The following RBMXL1 variants were observed in gnomAD, a reference collection of about 807,000 sequenced individuals.
RBMXL1 encodes the protein RNA binding motif protein, X-linked-like-1.
A neutral mutation model predicts 29.0 loss-of-function variants in RBMXL1; 18 were observed. The ratio of observed to expected loss-of-function variants is 0.62; its 90% CI spans 0.43 to 0.92. The LOEUF is 0.92. RBMXL1 is among the 40% of genes least tolerant of loss of function. RBMXL1 has a pLI of 0.00. For synonymous variants in RBMXL1, 141 were observed against 170.4 expected, an observed-to-expected ratio of 0.83 and a Z score of 1.34; for missense variants, 403 against 495.8, an observed-to-expected ratio of 0.81 and a Z score of 1.78.
At chr1:88,990,538 C>G (rs966681868) in intron 1 of RBMXL1, among the ~76,000 whole-genome samples, 9 of 152,118 alleles carry the variant, frequency 5.9e-5, no homozygotes, top group Non-Finnish European at 5.9e-5. Context: ...CCCTTTTTCC[C>G]CTGAGAAACA....
At chr1:88,989,820 T>G (rs1677683725) in intron 1 of RBMXL1, among the ~76,000 whole-genome samples, 1 of 152,118 alleles carries the variant, frequency 6.6e-6, no homozygotes, top group Non-Finnish European at 1.5e-5. Flanking sequence ...AACCCCTCTC[T>G]CCTATCTGTC....
At chr1:88,992,229 C>G (rs904617561) in intron 1 of RBMXL1, among the ~76,000 whole-genome samples, 1 of 152,180 alleles carries the variant, frequency 6.6e-6, no homozygotes, top group Non-Finnish European at 1.5e-5. Flanking sequence ...CCGCCCGCCT[C>G]GGCCTCCCAA....
At chr1:88,988,876 T>C (rs1265983403) in intron 1 of RBMXL1, among the ~76,000 whole-genome samples, 1 of 152,238 alleles carries the variant, frequency 6.6e-6, no homozygotes, top group Non-Finnish European at 1.5e-5. Flanking sequence ...TCTTAGGTTA[T>C]TCTGAAGGTA....
At position 88,984,039 on chromosome 1, in the gene RBMXL1, G is replaced by T. The variant is rs1227210112; in HGVS notation, c.-213C>A. On this transcript the variant is annotated 5_prime_UTR_variant, in exon 3 of 3. Transcript: ENST00000652648. ...GGAAAATTACTTTCTTTTGCCACTA[G>T]ATGGCAGAGGAAAACAACAGAATGT... The T allele has an allele frequency of 2.1e-6, 1 of 471,870 alleles. No homozygotes were observed. Among genetic ancestry groups the T allele is most frequent in the East Asian group, 3.3e-5 (1 of 29,990 alleles). The allele number at this position is 471,870 out of a possible 1,614,324, so 29.2% of individuals were successfully genotyped here. A position where few individuals can be genotyped will look rare whatever the true frequency, so the allele number is the denominator to read the frequency against.
At chr1:88,988,531 G>A (rs573543475) in intron 1 of RBMXL1, among the ~76,000 whole-genome samples, 180 bp from the exon 2 acceptor site, 1 of 152,188 alleles carries the variant, frequency 6.6e-6, no homozygotes, top group East Asian at 1.9e-4. Flanking sequence ...ATCACTGGAG[G>A]CATTCTAATA....
At position 88,983,275 on chromosome 1, in the gene RBMXL1, T is replaced by G. The variant is rs1344360832; in HGVS notation, c.552A>C (p.Ser184=). The G allele has an allele frequency of 6.2e-7, 1 of 1,613,646 alleles. No individual in the cohort carries two copies. The highest frequency in any genetic ancestry group is 1.3e-5 in the African/African-American group (1 of 74,886). ...GACCTCCATAACTATCTCTTCCACG[T>G]GATAGAGGAGCTCTTCCTCCCATTC... is the stretch of plus-strand genomic sequence containing the variant. ...SSGMGGRAPL[S]RGRDSYGGPP... is the part of the protein sequence containing the mutation. Residue 184 remains serine (S), a synonymous_variant, in exon 3 of 3, where the codon TCA becomes TCC. Coordinates refer to ENST00000652648, the MANE Select transcript of RBMXL1 (RefSeq NM_001162536.3).
chr1:88,990,009 G>T (rs1448160261), intron 1 of RBMXL1, among the ~76,000 whole-genome samples: 1 of 152,126 alleles, frequency 6.6e-6, no homozygotes, highest in Non-Finnish European at 1.5e-5. Context: ...AGTCCAAAAT[G>T]ATTCTTTAAA....
chr1:88,989,423 G>T (rs953741926), intron 1 of RBMXL1, among the ~76,000 whole-genome samples: 30 of 152,132 alleles, frequency 2.0e-4, no homozygotes, highest in Admixed American at 1.8e-3. Flanking sequence ...CTGGGCCTCA[G>T]TTTCTCCATT....
intron 2 of RBMXL1, among the ~76,000 whole-genome samples, chr1:88,986,915 G>C (rs1677491438): frequency 6.6e-6 from 1 of 152,186 alleles, no homozygotes; most frequent in African/African-American, 2.4e-5. Context: ...TAAATGCAAA[G>C]CCTCTGATGA....
Position 88,982,882 on chromosome 1 carries a change from G to A in RBMXL1, c.945C>T (p.Ser315=), listed in dbSNP as rs773105922. The change falls in exon 3 of 3, where the codon AGC becomes AGT. Residue 315 remains serine (S), a synonymous_variant. Transcript: ENST00000652648. ...GACTTCCACCATATCCATCACGTGAGCTGCTATAATCATCATAGCGACTGC... is the reference window on the plus strand; with the variant it reads ...GACTTCCACCATATCCATCACGTGAACTGCTATAATCATCATAGCGACTGC... ...GGSSRYDDYS[S]SRDGYGGSRD... 191 of 1,613,848 alleles carry A rather than the reference G, an allele frequency of 1.2e-4. No individual in the cohort carries two copies. The highest frequency in any genetic ancestry group is 1.6e-4 in the Non-Finnish European group (188 of 1,179,878).
intron 1 of RBMXL1, among the ~76,000 whole-genome samples, chr1:88,989,464 T>G (rs935250902): frequency 6.6e-6 from 1 of 152,126 alleles, no homozygotes; most frequent in African/African-American, 2.4e-5. Context: ...TTAATAAGGT[T>G]TGAGTTAAAG....
rs765427824 is a variant in RBMXL1 at position 88,982,842 on chromosome 1, TTGAG to T, written c.981_984del (p.Tyr327Ter). The T allele has an allele frequency of 5.6e-6, 9 of 1,614,006 alleles. No homozygotes were observed. The highest frequency in any genetic ancestry group is 6.8e-6 in the Non-Finnish European group (8 of 1,179,884). The stretch of plus-strand genomic sequence containing the variant: ...CTTGAGTAGAGATCACTTCGGCTGC[TTGAG>T]TAACTGTCTCGACTTCCACCATATC... On this transcript the variant is annotated frameshift_variant, in exon 3 of 3. Coordinates refer to ENST00000652648, the MANE Select transcript of RBMXL1 (RefSeq NM_001162536.3). LOFTEE classifies it high-confidence loss of function.
In RBMXL1 at chr1:88,982,746, C is replaced by G. The variant is rs1333197404; in HGVS notation, c.1081G>C (p.Asp361His). The G allele has an allele frequency of 2.0e-5, 33 of 1,613,986 alleles. No individual in the cohort carries two copies. The highest frequency in any genetic ancestry group is 2.8e-5 in the Non-Finnish European group (33 of 1,179,880). Residue 361 changes from aspartate (D) to histidine (H), a missense_variant, in exon 3 of 3, where the codon GAT (aspartate) becomes CAT (histidine). By Grantham distance (81) the Asp-to-His change is moderately conservative. Coordinates refer to ENST00000652648, the MANE Select transcript of RBMXL1 (RefSeq NM_001162536.3). ...SVERGYPSSR[D>H]SYSSSSRGAP... ...CCGCGGCTTGAACTGCTGTAGGAAT[C>G]ACGTGAAGAAGGGTACCCCCTTTCT...
chr1:88,991,536 T>C (rs1479339835), intron 1 of RBMXL1, among the ~76,000 whole-genome samples: 3 of 152,156 alleles, frequency 2.0e-5, no homozygotes, highest in African/African-American at 7.2e-5. Flanking sequence ...CAACAGAGGG[T>C]ATCTAGACGG....
chr1:88,986,105 C>T (rs1399139442), intron 2 of RBMXL1, among the ~76,000 whole-genome samples: 9 of 151,416 alleles, frequency 5.9e-5, no homozygotes, highest in African/African-American at 9.7e-5. Context: ...TGCTTGAACC[C>T]GAGAGGCGGA....
chr1:88,984,960 G>T (rs1557708248), intron 2 of RBMXL1, among the ~76,000 whole-genome samples: 1 of 152,152 alleles, frequency 6.6e-6, no homozygotes, highest in Non-Finnish European at 1.5e-5. Flanking sequence ...CATATCACAT[G>T]AGTGAAATAA....
chr1:88,979,946 CAAAT>C lies in RBMXL1; in HGVS notation c.*2704_*2707del, dbSNP rs1440552399. ...GTCCATCAACAGGTGAGTAGAAAAACAAATAATGGCATATTCACATAATGGGACA... is the reference window on the plus strand; with the variant it reads ...GTCCATCAACAGGTGAGTAGAAAAACAATGGCATATTCACATAATGGGACA... On this transcript the variant is annotated 3_prime_UTR_variant, in exon 3 of 3. Coordinates refer to ENST00000652648, the MANE Select transcript of RBMXL1 (RefSeq NM_001162536.3). 6.6e-6 allele frequency: 1 copy of C among 152,080 alleles called. No individual in the cohort carries two copies. Among genetic ancestry groups the C allele is most frequent in the African/African-American group, 2.4e-5 (1 of 41,410 alleles). 9.4% of individuals were successfully genotyped at this position (152,080 alleles called of 1,614,324 possible).
At position 88,979,993 on chromosome 1, in the gene RBMXL1, G is replaced by A. The variant is rs1272693046; in HGVS notation, c.*2661C>T. 1.3e-5 allele frequency: 2 copies of A among 152,096 alleles called. No homozygotes were observed. The highest frequency in any genetic ancestry group is 2.9e-5 in the Non-Finnish European group (2 of 68,026). The allele number at this position is 152,096 out of a possible 1,614,324, so 9.4% of individuals were successfully genotyped here. A position where few individuals can be genotyped will look rare whatever the true frequency, so the allele number is the denominator to read the frequency against. On this transcript the variant is annotated 3_prime_UTR_variant, in exon 3 of 3. Transcript: ENST00000652648. ...ATGGGACACTACTCAGCAATAAAAGGAATAAGCTACTGATACACTGCAACC... is the reference window on the plus strand; with the variant it reads ...ATGGGACACTACTCAGCAATAAAAGAAATAAGCTACTGATACACTGCAACC...
Position 88,983,538 on chromosome 1 carries a change from G to A in RBMXL1, c.289C>T (p.Pro97Ser), listed in dbSNP as rs1186584029. ...PSFERGRHGPPPPPRSRGPPR... is the reference protein window; with the variant it reads ...PSFERGRHGPSPPPRSRGPPR... ...GGACCTCTACTTCTTGGAGGTGGGG[G>A]CGGTCCATGTCTACCTCTTTCAAAT... Residue 97 changes from proline to serine, a missense_variant, in exon 3 of 3, where the codon CCC becomes TCC. Transcript: ENST00000652648. 3.7e-6 allele frequency: 6 copies of A among 1,614,086 alleles called. No individual in the cohort carries two copies. Among genetic ancestry groups the A allele is most frequent in the Non-Finnish European group, 5.1e-6 (6 of 1,180,050 alleles).
Sources: gnomAD v4.1 joint callset for allele counts (sites outside exome capture counted in the v4.1 genomes callset) on GRCh38, gnomAD v4.1.1 for gene constraint, MANE v1.5 for transcripts, NCBI Gene and HGNC (gene_info 2026-07-23, HGNC 2026-07-21) for gene names.